Variants in ARHGAP28 observed in about 807,000 individuals in gnomAD.
ARHGAP28 encodes rho GTPase-activating protein 28.
ARHGAP28 carries 56 observed loss-of-function variants against 90.7 expected under a neutral mutation model. The ratio of observed to expected loss-of-function variants is 0.62; its 90% CI spans 0.50 to 0.77. The LOEUF (loss-of-function observed/expected upper bound fraction) is 0.77. Ranked by LOEUF, ARHGAP28 falls within the 30% of genes least tolerant of loss-of-function variation. ARHGAP28 has a pLI of 0.00. For synonymous variants in ARHGAP28, 308 were observed against 323.3 expected (o/e 0.95, Z 0.51); for missense variants, 869 against 900.9 (o/e 0.96, Z 0.45).
intron 1 of ARHGAP28, among the ~76,000 whole-genome samples, chr18:6,741,630 T>C (rs554870658): frequency 3.3e-5 from 5 of 151,646 alleles, no homozygotes; most frequent in Non-Finnish European, 5.9e-5. Flanking sequence ...TTGTGGGAGT[T>C]AAGAAAAAAA....
At chr18:6,841,197 CTCTCT>C in intron 3 of ARHGAP28, among the ~76,000 whole-genome samples, 1 of 65,616 alleles carries the variant, frequency 1.5e-5, no homozygotes, top group Admixed American at 1.5e-4. Flanking sequence ...CTCTCTCTCT[CTCTCT>C]CCTCTCCTCT....
chr18:6,799,954 A>G (rs2056470026), intron 1 of ARHGAP28, among the ~76,000 whole-genome samples: 1 of 152,210 alleles, frequency 6.6e-6, no homozygotes. Flanking sequence ...AAATTTTTGC[A>G]ATCTATCCAT....
At chr18:6,755,397 A>G (rs1258438869) in intron 1 of ARHGAP28, among the ~76,000 whole-genome samples, 1 of 152,152 alleles carries the variant, frequency 6.6e-6, no homozygotes, top group Non-Finnish European at 1.5e-5. Context: ...CAGGAGAGCC[A>G]GTGATTTGGC....
chr18:6,775,233 C>T (rs1056859829), intron 1 of ARHGAP28, among the ~76,000 whole-genome samples: 1 of 152,084 alleles, frequency 6.6e-6, no homozygotes, highest in Non-Finnish European at 1.5e-5. Context: ...GGTGGTCTTG[C>T]TGTTTATTTG....
intron 1 of ARHGAP28, among the ~76,000 whole-genome samples, chr18:6,806,662 T>A (rs189774626): frequency 6.6e-6 from 1 of 152,216 alleles, no homozygotes; most frequent in African/African-American, 2.4e-5. Context: ...ATTTAAGTAA[T>A]CGGAAAATAA....
intron 1 of ARHGAP28, among the ~76,000 whole-genome samples, chr18:6,748,312 A>G (rs1169616608): frequency 2.0e-5 from 3 of 152,224 alleles, no homozygotes; most frequent in Non-Finnish European, 4.4e-5. Flanking sequence ...TACCATGACT[A>G]TATTGTATAC....
chr18:6,848,928 A>T (rs754355273), intron 3 of ARHGAP28, among the ~76,000 whole-genome samples: 27 of 151,996 alleles, frequency 1.8e-4, no homozygotes, highest in Non-Finnish European at 3.4e-4. Context: ...CTTTCATTTC[A>T]AATCATTGAA....
chr18:6,775,647 C>T (rs1444347634), intron 1 of ARHGAP28, among the ~76,000 whole-genome samples: 1 of 152,170 alleles, frequency 6.6e-6, no homozygotes, highest in Non-Finnish European at 1.5e-5. Flanking sequence ...TAAAATTTTA[C>T]ACATGCTTTG....
chr18:6,839,405 C>T (rs75282739), intron 3 of ARHGAP28, among the ~76,000 whole-genome samples: 6,424 of 151,884 alleles, frequency 0.042, 206 homozygotes, highest in Non-Finnish European at 0.059. Flanking sequence ...GCCATTCTCC[C>T]CCCTCAGCCT....
chr18:6,864,459 T>C (rs893999911), intron 5 of ARHGAP28, among the ~76,000 whole-genome samples: 1 of 152,254 alleles, frequency 6.6e-6, no homozygotes, highest in Non-Finnish European at 1.5e-5. Context: ...TATCAAGATA[T>C]ACAGTTTATT....
intron 3 of ARHGAP28, 54 bp downstream of exon 3, chr18:6,837,468 G>T: frequency 9.0e-7 from 1 of 1,116,186 alleles, no homozygotes; most frequent in South Asian, 1.3e-5. Flanking sequence ...CTGGGGATGG[G>T]GTAGGGTGGG....
chr18:6,870,548 A>T, intron 6 of ARHGAP28, 42 bp from the exon 7 acceptor site: 1 of 1,532,384 alleles, frequency 6.5e-7, no homozygotes, highest in Non-Finnish European at 8.9e-7. Flanking sequence ...TGATTGATTA[A>T]ATAGCATATT....
rs147242743 is a variant in ARHGAP28 at position 6,808,398 on chromosome 18, T to A, written c.123-16364T>A. On this transcript the variant is annotated intron_variant, in intron 1 of 17. Coordinates refer to ENST00000383472, the MANE Select transcript of ARHGAP28 (RefSeq NM_001366230.1). ...TTTTTTCTGCTAACTCCATCATCTC[T>A]GTGTCTTTCTATTGAGATTTTTCTT... Among the ~76,000 whole-genome samples the A allele has an allele frequency of 4.1e-3, 619 of 152,300 alleles. 5 individuals are homozygous for A. The highest frequency in any genetic ancestry group is 0.014 in the African/African-American group (602 of 41,586).
intron 16 of ARHGAP28, among the ~76,000 whole-genome samples, chr18:6,902,751 A>C (rs571731912): frequency 2.6e-5 from 4 of 152,266 alleles, no homozygotes; most frequent in Admixed American, 1.3e-4. Flanking sequence ...TGTAGAAAAC[A>C]GTATGGTAAT....
intron 5 of ARHGAP28, among the ~76,000 whole-genome samples, chr18:6,861,405 T>G (rs1225255546): frequency 1.3e-5 from 2 of 152,236 alleles, no homozygotes; most frequent in African/African-American, 4.8e-5. Flanking sequence ...TTAGCTTTAT[T>G]CCCTTCAAAT....
At chr18:6,796,236 C>T (rs575050970) in intron 1 of ARHGAP28, among the ~76,000 whole-genome samples, 95 of 152,288 alleles carry the variant, frequency 6.2e-4, no homozygotes, top group African/African-American at 2.1e-3. Context: ...CATGCACACA[C>T]GCATTCATGT....
chr18:6,803,151 T>A (rs1231741898), intron 1 of ARHGAP28, among the ~76,000 whole-genome samples: 9 of 152,158 alleles, frequency 5.9e-5, no homozygotes, highest in Non-Finnish European at 1.3e-4. Context: ...AGAGCAATCA[T>A]CCAGGTCTTA....
Position 6,839,357 on chromosome 18 carries a change from A to G in ARHGAP28, c.543+1943A>G, listed in dbSNP as rs34347653. The stretch of plus-strand genomic sequence containing the variant: ...CGCCCAGGCTGGAGTGCAGTGGCGC[A>G]ATCTCGGCTCACTGCAAGCTCCGCC... On this transcript the variant is annotated intron_variant, in intron 3 of 17. Coordinates refer to ENST00000383472, the MANE Select transcript of ARHGAP28 (RefSeq NM_001366230.1). Among the ~76,000 whole-genome samples, 396 of 148,200 alleles carry G rather than the reference A, an allele frequency of 2.7e-3. 2 individuals are homozygous for G. The highest frequency in any genetic ancestry group is 0.014 in the Middle Eastern group (4 of 280).
At chr18:6,841,281 C>T (rs1031330430) in intron 3 of ARHGAP28, among the ~76,000 whole-genome samples, 3 of 145,386 alleles carry the variant, frequency 2.1e-5, no homozygotes, top group Non-Finnish European at 3.0e-5. Context: ...GTCTCCCTCC[C>T]TATTCCTTCT....
Sources: allele counts gnomAD v4.1 joint callset (sites outside exome capture counted in the v4.1 genomes callset), GRCh38; gene constraint gnomAD v4.1.1; transcripts MANE v1.5; gene names NCBI Gene and HGNC (gene_info 2026-07-23, HGNC 2026-07-21).